Variants in HMCN1 observed in about 807,000 individuals in gnomAD.
HMCN1 encodes hemicentin-1.
A neutral mutation model predicts 625.9 loss-of-function variants in HMCN1; 321 were observed. That is an observed-to-expected ratio of 0.51 (90% confidence interval 0.47 to 0.56). The LOEUF (loss-of-function observed/expected upper bound fraction) is 0.56. Among genes scored for constraint, HMCN1 ranks in the 20% least tolerant of loss-of-function variants. The pLI is 0.00. For missense variants in HMCN1, 6,588 were observed against 6,887.3 expected (o/e 0.96, Z 1.54); for synonymous variants, 2,425 against 2,417.6 (o/e 1.00, Z -0.09).
At chr1:186,103,351 C>T in intron 68 of HMCN1, 121 bp from the exon 69 acceptor site, 2 of 795,450 alleles carry the variant, frequency 2.5e-6, no homozygotes, top group Admixed American at 4.1e-5. Flanking sequence ...ATTTCACTTT[C>T]CTTGTTCTAA....
At chr1:186,168,719 G>T (rs968092020) in intron 100 of HMCN1, among the ~76,000 whole-genome samples, 1 of 151,882 alleles carries the variant, frequency 6.6e-6, no homozygotes, top group Non-Finnish European at 1.5e-5. Flanking sequence ...GGAAAATTTT[G>T]ATTATATCTA....
At chr1:186,157,903 G>A (rs533771828) in intron 97 of HMCN1, among the ~76,000 whole-genome samples, 6,489 of 152,012 alleles carry the variant, frequency 0.043, 444 homozygotes, top group African/African-American at 0.15. Flanking sequence ...ATAAACATAC[G>A]TGTGCATGTG....
intron 11 of HMCN1, among the ~76,000 whole-genome samples, chr1:185,945,081 A>G (rs1162674192): frequency 1.3e-5 from 2 of 152,196 alleles, no homozygotes; most frequent in African/African-American, 2.4e-5. Context: ...TATATGATGA[A>G]GGGGCTATGA....
chr1:185,965,544 A>G (rs1209576723), intron 13 of HMCN1, among the ~76,000 whole-genome samples: 1 of 151,930 alleles, frequency 6.6e-6, no homozygotes, highest in Non-Finnish European at 1.5e-5. Context: ...TTAGTTTCCT[A>G]AATTTTTTGG....
Position 186,095,431 on chromosome 1 carries a change from A to C in HMCN1, c.10483A>C (p.Lys3495Gln). ...STHGMVLQLLKAETEDSGKYT... is the reference protein window; with the variant it reads ...STHGMVLQLLQAETEDSGKYT... ...CCATGGAATGGTCCTGCAGCTCCTCAAAGCAGAGACTGAAGATTCGGGAAA... is the reference window on the plus strand; with the variant it reads ...CCATGGAATGGTCCTGCAGCTCCTCCAAGCAGAGACTGAAGATTCGGGAAA... Residue 3495 changes from lysine (K) to glutamine (Q), a missense_variant, in exon 68 of 107, where the codon AAA (lysine) becomes CAA (glutamine). This residue lies in a region of HMCN1 where 4,628 missense variants were observed against 4,853.1 expected (regional missense o/e 0.95). Coordinates refer to ENST00000271588, the MANE Select transcript of HMCN1 (RefSeq NM_031935.3). 6.2e-7 allele frequency: 1 copy of C among 1,613,722 alleles called. No individual in the cohort carries two copies. The highest frequency in any genetic ancestry group is 2.2e-5 in the East Asian group (1 of 44,850).
At position 186,086,411 on chromosome 1, in the gene HMCN1, AG is replaced by A; in HGVS notation, c.9046+6del. On this transcript the variant is annotated splice_donor_5th_base_variant and intron_variant, in intron 58 of 106. Transcript: ENST00000271588. Reference sequence around the variant, plus strand: ...ACAAATACTCTCATTGTGCCTGGTAAGGAACTTCTTATTATAAAGCAGGCAA... The same window carrying A: ...ACAAATACTCTCATTGTGCCTGGTAAGAACTTCTTATTATAAAGCAGGCAA... The A allele has an allele frequency of 6.2e-7, 1 of 1,612,870 alleles. No homozygotes were observed. The highest frequency in any genetic ancestry group is 1.1e-5 in the South Asian group (1 of 91,064).
intron 5 of HMCN1, 45 bp downstream of exon 5, chr1:185,909,553 A>G: frequency 6.6e-7 from 1 of 1,514,320 alleles, no homozygotes; most frequent in Non-Finnish European, 9.2e-7. Context: ...AAATACATAG[A>G]GGGTAAAATA....
rs757774259 is a variant in HMCN1, at chr1:186,057,271, A to T, written c.7182A>T (p.Glu2394Asp). 6.2e-7 allele frequency: 1 copy of T among 1,611,742 alleles called. No homozygotes were observed. The highest frequency in any genetic ancestry group is 1.7e-5 in the Admixed American group (1 of 59,800). ...PSIIGNHRSPENISVVEKNSV... is the reference protein window; with the variant it reads ...PSIIGNHRSPDNISVVEKNSV... ...TCATAGGAAACCACAGGTCACCTGA[A>T]AATATTAGTGTGGTAGAAAAGAACT... Residue 2394 changes from glutamate (E) to aspartate (D), a missense_variant, in exon 46 of 107, where the codon GAA becomes GAT. Physicochemically the swap from Glu to Asp is conservative, Grantham distance 45 (BLOSUM62 2). Transcript: ENST00000271588.
intron 46 of HMCN1, among the ~76,000 whole-genome samples, chr1:186,061,488 G>A (rs555065283): frequency 2.0e-5 from 3 of 152,176 alleles, no homozygotes; most frequent in East Asian, 1.9e-4. Flanking sequence ...ATTACAATTC[G>A]AGATGAGGTT....
chr1:185,778,463 A>G (rs9727715), intron 1 of HMCN1, among the ~76,000 whole-genome samples: 4,545 of 150,732 alleles, frequency 0.03, 249 homozygotes, highest in African/African-American at 0.11. Context: ...CGTCATTTAC[A>G]TTAGATATAT....
At position 186,066,939 on chromosome 1, in the gene HMCN1, C is replaced by T. The variant is rs530045531; in HGVS notation, c.7706-895C>T. On this transcript the variant is annotated intron_variant, in intron 49 of 106. Coordinates refer to ENST00000271588, the MANE Select transcript of HMCN1 (RefSeq NM_031935.3). ...AACTTTTAAAAATGTATACCTGTAA[C>T]CCAGATCTTTCTTGCAAGGTTCAAA... Among the ~76,000 whole-genome samples, 41 of 152,224 alleles carry T rather than the reference C, an allele frequency of 2.7e-4. 1 individual carries two copies. Among genetic ancestry groups the T allele is most frequent in the African/African-American group, 2.4e-4 (10 of 41,536 alleles).
At chr1:185,997,816 T>A (rs1334648302) in intron 25 of HMCN1, among the ~76,000 whole-genome samples, 3 of 152,064 alleles carry the variant, frequency 2.0e-5, no homozygotes, top group Non-Finnish European at 4.4e-5. Flanking sequence ...CATTCTTTTT[T>A]TTTTTTTGGC....
At chr1:186,090,589 CCTTTAT>C (rs1659788440) in intron 63 of HMCN1, among the ~76,000 whole-genome samples, 163 bp from the exon 64 acceptor site, 1 of 151,910 alleles carries the variant, frequency 6.6e-6, no homozygotes, top group African/African-American at 2.4e-5. Flanking sequence ...TTGAAGCGTT[CCTTTAT>C]CTTTGTCATT....
chr1:186,060,419 G>A (rs1422811528), intron 46 of HMCN1, among the ~76,000 whole-genome samples: 7 of 152,066 alleles, frequency 4.6e-5, no homozygotes, highest in African/African-American at 1.7e-4. Context: ...TGGTGCCCAG[G>A]ACTTTGTTCT....
At chr1:185,783,994 C>T (rs1028212108) in intron 1 of HMCN1, among the ~76,000 whole-genome samples, 1 of 152,198 alleles carries the variant, frequency 6.6e-6, no homozygotes, top group African/African-American at 2.4e-5. Context: ...TGGGCTCCAC[C>T]CAGTTCCCAG....
chr1:186,136,611 T>C (rs1649619551), intron 86 of HMCN1, 57 bp from the exon 87 acceptor site: 4 of 1,501,596 alleles, frequency 2.7e-6, no homozygotes, highest in Non-Finnish European at 3.7e-6. Context: ...TAATACATGA[T>C]AAAAAAAAAT....
chr1:186,062,399 TGGATTGGG>T, intron 47 of HMCN1, 107 bp from the exon 48 acceptor site: 1 of 707,498 alleles, frequency 1.4e-6, no homozygotes, highest in Non-Finnish European at 2.6e-6. Context: ...ATAATGAATG[TGGATTGGG>T]GGATTTGTTT....
chr1:185,792,945 T>C (rs1287569664), intron 1 of HMCN1, among the ~76,000 whole-genome samples: 1 of 152,244 alleles, frequency 6.6e-6, no homozygotes. Flanking sequence ...TTTATAGCAA[T>C]GCTTTCAGTC....
chr1:185,810,521 T>C (rs1467653635), intron 1 of HMCN1, among the ~76,000 whole-genome samples: 1 of 152,192 alleles, frequency 6.6e-6, no homozygotes, highest in Non-Finnish European at 1.5e-5. Flanking sequence ...TGAACATAGG[T>C]AGTTTTTCAC....
Sources: allele counts gnomAD v4.1 joint callset (sites outside exome capture counted in the v4.1 genomes callset), GRCh38; gene constraint gnomAD v4.1.1; regional missense constraint gnomAD v4.1.1; transcripts MANE v1.5; gene names NCBI Gene and HGNC (gene_info 2026-07-23, HGNC 2026-07-21).